The following RAB11FIP1 variants were observed in gnomAD, a reference collection of about 807,000 sequenced individuals.
RAB11FIP1 encodes rab11 family-interacting protein 1.
Under a neutral mutation model 83.1 loss-of-function variants are expected in RAB11FIP1, and 49 were observed. The observed-to-expected ratio is 0.59, with a 90% CI of 0.47 to 0.75. RAB11FIP1 has a LOEUF of 0.75. Ranked by LOEUF, RAB11FIP1 falls within the 30% of genes least tolerant of loss-of-function variation. The pLI, the probability that RAB11FIP1 is intolerant of heterozygous loss-of-function variation, is 0.00. For missense variants in RAB11FIP1, 1,536 were observed against 1,598.7 expected (o/e 0.96, Z 0.67); for synonymous variants, 670 against 656.0 (o/e 1.02, Z -0.33).
Position 37,861,150 on chromosome 8 carries a change from G to C in RAB11FIP1, c.*1745C>G, listed in dbSNP as rs906119440. ...CAACAAAATTACCTGAAAAATCTCA[G>C]CTGGTGCTTTTAGCTAAGAAGGAAG... is the stretch of plus-strand genomic sequence containing the variant. On this transcript the variant is annotated 3_prime_UTR_variant, in exon 6 of 6. Transcript: ENST00000330843. 1 of 152,868 alleles carries C rather than the reference G, an allele frequency of 6.5e-6. No homozygotes were observed. The highest frequency in any genetic ancestry group is 2.4e-5 in the African/African-American group (1 of 41,210). The allele number at this position is 152,868 out of a possible 1,614,324, so 9.5% of individuals were successfully genotyped here.
In RAB11FIP1 at chr8:37,863,234, T is replaced by TTTTCTTTCTTTCTTTCTTTCTTTC. The variant is rs57240247; in HGVS notation, c.3634-145_3634-122dup. 3.2e-5 allele frequency: 19 copies of TTTTCTTTCTTTCTTTCTTTCTTTC among 592,510 alleles called. No homozygotes were observed. The African/African-American group carries it at 3.2e-4, about 10-fold the overall frequency. 36.7% of individuals were successfully genotyped at this position (592,510 alleles called of 1,614,324 possible). A position where few individuals can be genotyped will look rare whatever the true frequency, so the allele number is the denominator to read the frequency against. ...GTGATCTGGGTCTCTTGGGAATCCA[T>TTTTCTTTCTTTCTTTCTTTCTTTC]TTTCTTTCTTTCTTTCTTTCTTTCT... On this transcript the variant is annotated intron_variant, in intron 5 of 5. Transcript: ENST00000330843.
rs896804646 is a variant in RAB11FIP1, at chr8:37,862,540, T to C, written c.*355A>G. 24 of 190,980 alleles carry C rather than the reference T, an allele frequency of 1.3e-4. No homozygotes were observed. Among genetic ancestry groups the C allele is most frequent in the Non-Finnish European group, 2.6e-4 (24 of 90,830 alleles). 11.8% of individuals were successfully genotyped at this position (190,980 alleles called of 1,614,324 possible). A position where few individuals can be genotyped will look rare whatever the true frequency, so the allele number is the denominator to read the frequency against. ...GGAGGATACATACTGAAAAAAAATCTCAGTATGAAAGAAAGAAAACCCCAG... is the reference window on the plus strand; with the variant it reads ...GGAGGATACATACTGAAAAAAAATCCCAGTATGAAAGAAAGAAAACCCCAG... On this transcript the variant is annotated 3_prime_UTR_variant, in exon 6 of 6. Coordinates refer to ENST00000330843, the MANE Select transcript of RAB11FIP1 (RefSeq NM_001002814.3).
intron 1 of RAB11FIP1, among the ~76,000 whole-genome samples, chr8:37,878,533 C>CAAAAAA (rs918942295): frequency 1.1e-3 from 26 of 24,050 alleles, no homozygotes; most frequent in East Asian, 5.9e-3. Context: ...GACTCCATCT[C>CAAAAAA]AAAAAAAAAA....
At chr8:37,867,151 G>T (rs1806356400) in intron 5 of RAB11FIP1, among the ~76,000 whole-genome samples, 1 of 152,214 alleles carries the variant, frequency 6.6e-6, no homozygotes, top group Non-Finnish European at 1.5e-5. Context: ...AAGGAAGATG[G>T]ATGGGAAGCT....
intron 3 of RAB11FIP1, among the ~76,000 whole-genome samples, chr8:37,873,498 C>T (rs368935591): frequency 2.0e-5 from 3 of 151,706 alleles, no homozygotes; most frequent in African/African-American, 7.3e-5. Flanking sequence ...CCCAGCTACT[C>T]GGGAGGCTGA....
At chr8:37,881,077 G>C (rs1371868783) in intron 1 of RAB11FIP1, among the ~76,000 whole-genome samples, 1 of 152,226 alleles carries the variant, frequency 6.6e-6, no homozygotes, top group African/African-American at 2.4e-5. Flanking sequence ...AGGCACAGGG[G>C]AAAGTCGAAA....
At position 37,899,096 on chromosome 8, in the gene RAB11FIP1, G is replaced by A; in HGVS notation, c.346C>T (p.Arg116Cys). 3.3e-6 allele frequency: 5 copies of A among 1,520,114 alleles called. No homozygotes were observed. Among genetic ancestry groups the A allele is most frequent in the Middle Eastern group, 2.3e-4 (1 of 4,316 alleles). 94.2% of individuals were successfully genotyped at this position (1,520,114 alleles called of 1,614,324 possible). Reference sequence around the variant, plus strand: ...TGCGTCTTCCTGCGGCCCTGGTCGCGGTGCAGATCCCGCAGGTCCACCTCG... The same window carrying A: ...TGCGTCTTCCTGCGGCCCTGGTCGCAGTGCAGATCCCGCAGGTCCACCTCG... ...RAEVDLRDLHRDQGRRKTQWY... is the reference protein window; with the variant it reads ...RAEVDLRDLHCDQGRRKTQWY... The change falls in exon 1 of 6, where the codon CGC (arginine) becomes TGC (cysteine). Residue 116 changes from arginine (R) to cysteine (C), a missense_variant. Transcript: ENST00000330843. The surrounding 1 kb of genome is among the most constrained non-coding windows in gnomAD (Gnocchi z 4.5).
intron 1 of RAB11FIP1, among the ~76,000 whole-genome samples, chr8:37,888,989 G>C (rs1806893277): frequency 6.6e-6 from 1 of 151,628 alleles, no homozygotes; most frequent in Non-Finnish European, 1.5e-5. Flanking sequence ...AGTAGAGATG[G>C]GGTTTCACCA....
intron 5 of RAB11FIP1, among the ~76,000 whole-genome samples, chr8:37,864,730 G>A (rs1806308412): frequency 2.0e-5 from 3 of 152,336 alleles, no homozygotes; most frequent in South Asian, 4.1e-4. Flanking sequence ...TTAGAGGTGA[G>A]ACACTGGACT....
In RAB11FIP1 at chr8:37,883,158, GTT is replaced by G. The variant is rs375717011; in HGVS notation, c.372-5609_372-5608del. Among the ~76,000 whole-genome samples, 24 of 141,866 alleles carry G rather than the reference GTT, an allele frequency of 1.7e-4. 1 individual carries two copies. Among genetic ancestry groups the G allele is most frequent in the Non-Finnish European group, 2.6e-4 (17 of 64,260 alleles). 93.1% of individuals were successfully genotyped at this position (141,866 alleles called of 152,430 possible). ...TGGAAAGCAAAACAAGAATTGTTTC[GTT>G]TTTTTTTTTTTCTGGTTTTTTTTTC... On this transcript the variant is annotated intron_variant, in intron 1 of 5. Transcript: ENST00000330843.
At position 37,874,897 on chromosome 8, in the gene RAB11FIP1, G is replaced by A. The variant is rs371339033; in HGVS notation, c.1240C>T (p.Pro414Ser). 3.1e-6 allele frequency: 5 copies of A among 1,614,088 alleles called. No individual in the cohort carries two copies. Among genetic ancestry groups the A allele is most frequent in the Admixed American group, 1.7e-5 (1 of 60,002 alleles). Residue 414 changes from proline (P) to serine (S), a missense_variant, in exon 3 of 6, where the codon CCC (proline) becomes TCC (serine). Transcript: ENST00000330843. ...TCTTTTGTGGCCTCTGAGTTTGCGGGGGCCATGTTTTCCCTGAGGTCCCCA... is the reference window on the plus strand; with the variant it reads ...TCTTTTGTGGCCTCTGAGTTTGCGGAGGCCATGTTTTCCCTGAGGTCCCCA... ...VSGDLRENMA[P>S]ANSEATKEAK...
chr8:37,892,874 G>C (rs751172571), intron 1 of RAB11FIP1, among the ~76,000 whole-genome samples: 17 of 152,032 alleles, frequency 1.1e-4, no homozygotes, highest in Admixed American at 2.6e-4. Flanking sequence ...TGCACAGGCT[G>C]CTACTCCTCC....
At position 37,871,304 on chromosome 8, in the gene RAB11FIP1, G is replaced by A. The variant is rs746712134; in HGVS notation, c.3498C>T (p.Gly1166=). Reference sequence around the variant, plus strand: ...TGTGCTTGGCTGACCCAGTTCCAGCGCCTGGCTGAGCTGAGACTGGATGTG... The same window carrying A: ...TGTGCTTGGCTGACCCAGTTCCAGCACCTGGCTGAGCTGAGACTGGATGTG... ...SETHPVSAQP[G]AGTGSAKHRL... The change falls in exon 4 of 6, where the codon GGC becomes GGT. Residue 1166 remains glycine, a synonymous_variant. Coordinates refer to ENST00000330843, the MANE Select transcript of RAB11FIP1 (RefSeq NM_001002814.3). 1.4e-5 allele frequency: 22 copies of A among 1,611,720 alleles called. No individual in the cohort carries two copies. The highest frequency in any genetic ancestry group is 9.4e-5 in the African/African-American group (7 of 74,762).
At position 37,863,110 on chromosome 8, in the gene RAB11FIP1, A is replaced by T; in HGVS notation, c.3637T>A (p.Tyr1213Asn). 1.2e-6 allele frequency: 2 copies of T among 1,610,596 alleles called. No homozygotes were observed. The highest frequency in any genetic ancestry group is 1.7e-6 in the Non-Finnish European group (2 of 1,179,050). Residue 1213 changes from tyrosine (Y) to asparagine (N), a missense_variant, in exon 6 of 6, where the codon TAC (tyrosine) becomes AAC (asparagine). By Grantham distance (143) the Tyr-to-Asn change is moderately radical. Coordinates refer to ENST00000330843, the MANE Select transcript of RAB11FIP1 (RefSeq NM_001002814.3). ...GCAAATGCAGGGTCCGAGGGGCTGT[A>T]TTTCTTTGGAGGGGGGGAAATAGTT... ...NLNNEVMMKK[Y>N]SPSDPAFAYA... is the part of the protein sequence containing the mutation.
chr8:37,874,666 T>C lies in RAB11FIP1; in HGVS notation c.1471A>G (p.Thr491Ala). ...CCCTGTCTGGAGACAACAGCTGCAG[T>C]ATCTTTCTCAGATCTTCTCACAAGG... ...EDLVRRSEKD[T>A]AAVVSRQGSS... The change falls in exon 3 of 6, where the codon ACT becomes GCT. Residue 491 changes from threonine (T) to alanine (A), a missense_variant. Physicochemically the swap from Thr to Ala is moderately conservative, Grantham distance 58. Transcript: ENST00000330843. The C allele has an allele frequency of 1.2e-6, 2 of 1,614,210 alleles. No individual in the cohort carries two copies. The highest frequency in any genetic ancestry group is 1.7e-5 in the Admixed American group (1 of 60,024).
At chr8:37,885,713 T>C (rs1806820640) in intron 1 of RAB11FIP1, among the ~76,000 whole-genome samples, 1 of 152,236 alleles carries the variant, frequency 6.6e-6, no homozygotes, top group African/African-American at 2.4e-5. Flanking sequence ...AAGAGTGGTG[T>C]GCAGGGCACC....
At chr8:37,884,476 G>A (rs966695287) in intron 1 of RAB11FIP1, among the ~76,000 whole-genome samples, 4 of 152,112 alleles carry the variant, frequency 2.6e-5, no homozygotes, top group African/African-American at 9.7e-5. Flanking sequence ...CAGCTTCAAA[G>A]TTCTAGGCTC....
intron 3 of RAB11FIP1, among the ~76,000 whole-genome samples, chr8:37,873,561 G>A (rs561434344): frequency 1.1e-4 from 17 of 152,010 alleles, no homozygotes; most frequent in African/African-American, 1.9e-4. Context: ...AGTTGAGATC[G>A]TGCCACTGCA....
Position 37,873,143 on chromosome 8 carries a change from C to T in RAB11FIP1, c.1659G>A (p.Arg553=), listed in dbSNP as rs372098909. 7 of 1,607,306 alleles carry T rather than the reference C, an allele frequency of 4.4e-6. No homozygotes were observed. Among genetic ancestry groups the T allele is most frequent in the Non-Finnish European group, 5.1e-6 (6 of 1,178,432 alleles). Residue 553 remains arginine, a synonymous_variant, in exon 4 of 6, where the codon AGG becomes AGA. Transcript: ENST00000330843. ...AAGGGGAGTCAGTAGGGGAAGGAAGCCTGGCTGTGGGTTGCGCCTCTGGAG... is the reference window on the plus strand; with the variant it reads ...AAGGGGAGTCAGTAGGGGAAGGAAGTCTGGCTGTGGGTTGCGCCTCTGGAG... ...EVSPEAQPTA[R]LPSPTDSPSS... is the part of the protein sequence containing the mutation.
Sources: allele counts gnomAD v4.1 joint callset (sites outside exome capture counted in the v4.1 genomes callset), GRCh38; gene constraint gnomAD v4.1.1; non-coding constraint Gnocchi (gnomAD v3.1); transcripts MANE v1.5; gene names NCBI Gene and HGNC (gene_info 2026-07-23, HGNC 2026-07-21).